The following FYN variants were observed in gnomAD, a reference collection of about 807,000 sequenced individuals.
FYN encodes the protein FYN proto-oncogene, Src family tyrosine kinase.
FYN carries 10 observed loss-of-function variants against 70.2 expected under a neutral mutation model. The ratio of observed to expected loss-of-function variants is 0.14; its 90% CI spans 0.09 to 0.24. The LOEUF is 0.24. Among genes scored for constraint, FYN ranks in the 10% least tolerant of loss-of-function variants. FYN has a pLI of 1.00. For missense variants in FYN, 319 were observed against 673.1 expected (o/e 0.47, Z 5.82); for synonymous variants, 236 against 248.6 (o/e 0.95, Z 0.48).
intron 1 of FYN, among the ~76,000 whole-genome samples, chr6:111,858,891 A>G (rs1773890264): frequency 6.6e-6 from 1 of 151,846 alleles, no homozygotes; most frequent in African/African-American, 2.4e-5. Flanking sequence ...TTCTCCTAGA[A>G]GATACCATTT....
intron 2 of FYN, among the ~76,000 whole-genome samples, chr6:111,793,419 C>G (rs766450355): frequency 2.8e-4 from 43 of 152,162 alleles, no homozygotes; most frequent in Non-Finnish European, 5.6e-4. Flanking sequence ...CTGCGCATCC[C>G]CAGATGAGAA....
intron 6 of FYN, 88 bp downstream of exon 6, chr6:111,707,834 T>C (rs1800168383): frequency 9.7e-7 from 1 of 1,031,152 alleles, no homozygotes; most frequent in South Asian, 1.3e-5. Context: ...GTGAATTTCT[T>C]CTCCCTCCTG....
Position 111,694,281 on chromosome 6 carries a change from TGAAGGAAGG to T in FYN, c.1273+85_1273+93del. 2 of 1,476,684 alleles carry T rather than the reference TGAAGGAAGG, an allele frequency of 1.4e-6. No homozygotes were observed. Among genetic ancestry groups the T allele is most frequent in the Non-Finnish European group, 1.9e-6 (2 of 1,076,048 alleles). The allele number at this position is 1,476,684 out of a possible 1,614,324, so 91.5% of individuals were successfully genotyped here. Reference sequence around the variant, plus strand: ...GAAGAATGACATTTCAAGTATTTTCTGAAGGAAGGGAAGGGAAGGAGGAAGGAAGGGCTG... The same window carrying T: ...GAAGAATGACATTTCAAGTATTTTCTGAAGGGAAGGAGGAAGGAAGGGCTG... On this transcript the variant is annotated intron_variant, in intron 12 of 13. Coordinates refer to ENST00000354650, the MANE Select transcript of FYN (RefSeq NM_002037.5). The surrounding 1 kb of genome is among the most constrained non-coding windows in gnomAD (Gnocchi z 5.0).
chr6:111,742,458 GTT>G (rs1802020438), intron 3 of FYN, among the ~76,000 whole-genome samples: 1 of 152,176 alleles, frequency 6.6e-6, no homozygotes, highest in Non-Finnish European at 1.5e-5. Context: ...TGAGGGCCAG[GTT>G]TATTCATTAA....
rs9398282 is a variant in FYN, at chr6:111,754,249, T to A, written c.-12+26317A>T. 1.5e-3 allele frequency among the ~76,000 whole-genome samples: 228 copies of A among 152,256 alleles called. 2 individuals are homozygous for A. In the East Asian group the frequency reaches 0.038, roughly 26 times the overall value. ...AATATTTCTGGGCCCCAAGTTGGGG[T>A]TTACTTTCTTGATGGTTGGGAAGAA... is the stretch of plus-strand genomic sequence containing the variant. On this transcript the variant is annotated intron_variant, in intron 3 of 13. Transcript: ENST00000354650.
At chr6:111,691,716 G>A (rs1799325559) in intron 12 of FYN, among the ~76,000 whole-genome samples, 1 of 152,192 alleles carries the variant, frequency 6.6e-6, no homozygotes, top group Non-Finnish European at 1.5e-5. Flanking sequence ...CACACTAGAA[G>A]GTGCTCCTTA....
chr6:111,823,520 C>A, intron 2 of FYN, among the ~76,000 whole-genome samples: 1 of 152,074 alleles, frequency 6.6e-6, no homozygotes, highest in East Asian at 1.9e-4. Context: ...TACTTTTTTC[C>A]CCCTTTTATA....
chr6:111,778,321 G>A (rs941935714), intron 3 of FYN, among the ~76,000 whole-genome samples: 2 of 152,120 alleles, frequency 1.3e-5, no homozygotes, highest in Non-Finnish European at 2.9e-5. Flanking sequence ...AAAGTGAGTG[G>A]ACTTACTTCG....
intron 3 of FYN, among the ~76,000 whole-genome samples, chr6:111,756,985 T>G (rs918867193): frequency 2.0e-5 from 3 of 152,098 alleles, no homozygotes; most frequent in African/African-American, 7.2e-5. Context: ...TGCTATTTCC[T>G]GCAGGTCCTA....
At chr6:111,717,301 A>G (rs1235094064) in intron 4 of FYN, among the ~76,000 whole-genome samples, 14 of 152,176 alleles carry the variant, frequency 9.2e-5, no homozygotes, top group Admixed American at 9.2e-4. Context: ...TGAAAAAAAA[A>G]AGAAATTAAA....
chr6:111,808,426 C>T (rs533639367), intron 2 of FYN, among the ~76,000 whole-genome samples: 15 of 152,298 alleles, frequency 9.8e-5, no homozygotes, highest in African/African-American at 3.6e-4. Context: ...TGGACAGAAA[C>T]GCTCACGGAA....
At chr6:111,664,701 G>A (rs529395624) in intron 13 of FYN, among the ~76,000 whole-genome samples, 1 of 151,974 alleles carries the variant, frequency 6.6e-6, no homozygotes, top group Admixed American at 6.5e-5. Flanking sequence ...GCTCCTTCTC[G>A]CTCTCCCCTT....
At chr6:111,766,238 T>C (rs920781234) in intron 3 of FYN, among the ~76,000 whole-genome samples, 1 of 152,204 alleles carries the variant, frequency 6.6e-6, no homozygotes, top group Non-Finnish European at 1.5e-5. Flanking sequence ...ACCCCACAGC[T>C]GGTCAGCAAT....
chr6:111,703,989 G>T lies in FYN; in HGVS notation c.547+10C>A. 1 of 1,604,268 alleles carries T rather than the reference G, an allele frequency of 6.2e-7. No homozygotes were observed. The highest frequency in any genetic ancestry group is 8.5e-7 in the Non-Finnish European group (1 of 1,171,254). On this transcript the variant is annotated intron_variant, in intron 7 of 13. Transcript: ENST00000354650. Reference sequence around the variant, plus strand: ...AATGACAAGCCAACTTCTTCAACTCGTTATCTTACCTTTGGTGGTTTCACT... The same window carrying T: ...AATGACAAGCCAACTTCTTCAACTCTTTATCTTACCTTTGGTGGTTTCACT...
chr6:111,856,230 A>G (rs1773819864), intron 1 of FYN, among the ~76,000 whole-genome samples: 2 of 152,242 alleles, frequency 1.3e-5, no homozygotes, highest in Admixed American at 1.3e-4. Flanking sequence ...AAGAGCTTCC[A>G]CTGAGCAGAA....
intron 2 of FYN, among the ~76,000 whole-genome samples, chr6:111,828,049 G>A (rs931656623): frequency 3.9e-5 from 6 of 152,132 alleles, no homozygotes; most frequent in African/African-American, 9.7e-5. Flanking sequence ...CTAGAGTAGC[G>A]GAGGAACCCT....
At chr6:111,846,146 G>A (rs953962847) in intron 2 of FYN, among the ~76,000 whole-genome samples, 1 of 152,220 alleles carries the variant, frequency 6.6e-6, no homozygotes, top group South Asian at 2.1e-4. Flanking sequence ...TCAAAGATAC[G>A]GCTCAGGCAG....
chr6:111,848,706 A>G (rs1166015847), intron 1 of FYN, among the ~76,000 whole-genome samples: 2 of 152,228 alleles, frequency 1.3e-5, no homozygotes, highest in African/African-American at 4.8e-5. Context: ...GGATGGACGC[A>G]AAATAGAATT....
chr6:111,819,844 A>G (rs1398725966), intron 2 of FYN: 1 of 152,218 alleles, frequency 6.6e-6, no homozygotes. Flanking sequence ...AAAAAATATT[A>G]TTCTCAAACA....
Sources: allele counts gnomAD v4.1 joint callset (sites outside exome capture counted in the v4.1 genomes callset), GRCh38; gene constraint gnomAD v4.1.1; non-coding constraint Gnocchi (gnomAD v3.1); transcripts MANE v1.5; gene names NCBI Gene and HGNC (gene_info 2026-07-23, HGNC 2026-07-21).